Variants in XAF1 observed in about 807,000 individuals in gnomAD.
XAF1 encodes the protein XIAP associated factor 1.
Under a neutral mutation model 32.3 loss-of-function variants are expected in XAF1, and 32 were observed. The ratio of observed to expected loss-of-function variants is 0.99; its 90% CI spans 0.75 to 1.33. The LOEUF is 1.33. Among genes scored for constraint, XAF1 ranks in the 40% most tolerant of loss-of-function variants. The pLI is 0.00. For synonymous variants in XAF1, 120 were observed against 125.9 expected (o/e 0.95, Z 0.31); for missense variants, 379 against 366.0 (o/e 1.04, Z -0.29).
chr17:6,773,219 C>G lies in XAF1; in HGVS notation c.*50C>G, dbSNP rs375175465. ...AATTCAAAAGATTTCACTTTTAACACTGGCATTCCTGCCTACTTGCTGTGG... is the reference window on the plus strand; with the variant it reads ...AATTCAAAAGATTTCACTTTTAACAGTGGCATTCCTGCCTACTTGCTGTGG... On this transcript the variant is annotated 3_prime_UTR_variant, in exon 7 of 7. Transcript: ENST00000361842. The G allele has an allele frequency of 6.7e-7, 1 of 1,501,892 alleles. No individual in the cohort carries two copies. The highest frequency in any genetic ancestry group is 1.4e-5 in the African/African-American group (1 of 71,032). The allele number at this position is 1,501,892 out of a possible 1,614,324, so 93.0% of individuals were successfully genotyped here.
chr17:6,772,510 A>G (rs1976121364), intron 6 of XAF1, among the ~76,000 whole-genome samples: 1 of 119,486 alleles, frequency 8.4e-6, no homozygotes, highest in African/African-American at 3.4e-5. Flanking sequence ...TCGCTCTGTC[A>G]CCCAGGCTGG....
intron 6 of XAF1, chr17:6,771,281 T>C: frequency 3.4e-6 from 1 of 296,646 alleles, no homozygotes; most frequent in Non-Finnish European, 6.3e-6. Flanking sequence ...GAGCAACTGC[T>C]TCAAAACTGT....
At chr17:6,756,272 C>A in intron 1 of XAF1, 162 bp downstream of exon 1, 3 of 1,236,332 alleles carry the variant, frequency 2.4e-6, no homozygotes, top group Non-Finnish European at 3.2e-6. Flanking sequence ...AGGGTTTAAA[C>A]TTGGTAATCT....
intron 5 of XAF1, among the ~76,000 whole-genome samples, chr17:6,768,937 CTT>C (rs1399952964): frequency 6.6e-6 from 1 of 152,164 alleles, no homozygotes. Flanking sequence ...TCTATTATCT[CTT>C]TGAATTCCCA....
intron 6 of XAF1, chr17:6,771,872 G>C (rs1235802907): frequency 6.6e-6 from 1 of 152,176 alleles, no homozygotes; most frequent in Non-Finnish European, 1.5e-5. Flanking sequence ...ACTTTGGACA[G>C]TCTTATGGGC....
chr17:6,766,137 G>A (rs527914702), intron 5 of XAF1, among the ~76,000 whole-genome samples: 1 of 152,224 alleles, frequency 6.6e-6, no homozygotes, highest in Admixed American at 6.5e-5. Context: ...TCTTTGCCCA[G>A]ATGGCACCTT....
upstream of XAF1, chr17:6,755,498 A>C: frequency 2.0e-6 from 2 of 987,660 alleles, no homozygotes; most frequent in Non-Finnish European, 2.4e-6. Context: ...GGGTCTGGAA[A>C]AACTCTAAGG....
intron 6 of XAF1, chr17:6,771,274 C>T: frequency 3.2e-6 from 1 of 314,750 alleles, no homozygotes. Flanking sequence ...TGATTTGGAG[C>T]AACTGCTTCA....
At chr17:6,760,376 T>C (rs765948930) in intron 3 of XAF1, 30 bp from the exon 4 acceptor site, 3 of 1,461,560 alleles carry the variant, frequency 2.1e-6, no homozygotes, top group African/African-American at 3.0e-5. Flanking sequence ...AAAGGGCCAG[T>C]GATCATGCCC....
At chr17:6,766,298 G>C in intron 5 of XAF1, among the ~76,000 whole-genome samples, 1 of 152,110 alleles carries the variant, frequency 6.6e-6, no homozygotes, top group East Asian at 1.9e-4. Flanking sequence ...TATGGCCCTT[G>C]TTAATTGTCT....
At chr17:6,760,021 A>C (rs947845489) in intron 3 of XAF1, 16 of 538,600 alleles carry the variant, frequency 3.0e-5, no homozygotes, top group African/African-American at 2.9e-4. Flanking sequence ...CCCTAGGGAG[A>C]TGGGCACAAG....
At chr17:6,770,280 A>G (rs1975920207) in intron 5 of XAF1, among the ~76,000 whole-genome samples, 1 of 152,232 alleles carries the variant, frequency 6.6e-6, no homozygotes, top group South Asian at 2.1e-4. Context: ...AAAGAGTAGA[A>G]GGCTGTAGCC....
At position 6,756,109 on chromosome 17, in the gene XAF1, T is replaced by C. The variant is rs1031004046; in HGVS notation, c.31T>C (p.Cys11Arg). 5.0e-6 allele frequency: 8 copies of C among 1,613,828 alleles called. No individual in the cohort carries two copies. Among genetic ancestry groups the C allele is most frequent in the African/African-American group, 1.3e-5 (1 of 74,850 alleles). The change falls in exon 1 of 7, where the codon TGT (cysteine) becomes CGT (arginine). Residue 11 changes from cysteine (C) to arginine (R), a missense_variant and splice_region_variant. Transcript: ENST00000361842. ...AGGAGACTTCTCGGTGTGCAGGAAC[T>C]GGTAAGAAAGTGCTTTCTCCAGCGG... MEGDFSVCRNCKRHVVSANFT... is the reference protein window; with the variant it reads MEGDFSVCRNRKRHVVSANFT...
At chr17:6,761,987 G>A in intron 4 of XAF1, 168 bp from the exon 5 acceptor site, 1 of 1,534,960 alleles carries the variant, frequency 6.5e-7, no homozygotes, top group Admixed American at 2.0e-5. Flanking sequence ...ATTCGGCCAA[G>A]AGTTGCCTGT....
chr17:6,762,850 A>G (rs1975324762), intron 5 of XAF1, among the ~76,000 whole-genome samples: 1 of 151,890 alleles, frequency 6.6e-6, no homozygotes, highest in Non-Finnish European at 1.5e-5. Context: ...TCTCCAAAGA[A>G]CTCTTCTCCT....
chr17:6,774,026 T>G lies in XAF1; in HGVS notation c.*857T>G, dbSNP rs1308497844. ...CCTATCAAACTACCAATAACATTCT[T>G]CACAGAATCAGAAAAAAAAAGCATT... is the stretch of plus-strand genomic sequence containing the variant. On this transcript the variant is annotated 3_prime_UTR_variant, in exon 7 of 7. Coordinates refer to ENST00000361842, the MANE Select transcript of XAF1 (RefSeq NM_017523.5). 1 of 151,854 alleles carries G rather than the reference T, an allele frequency of 6.6e-6. No individual in the cohort carries two copies. The highest frequency in any genetic ancestry group is 1.5e-5 in the Non-Finnish European group (1 of 67,990). 9.4% of individuals were successfully genotyped at this position (151,854 alleles called of 1,614,324 possible).
intron 6 of XAF1, 96 bp downstream of exon 6, chr17:6,771,080 G>T (rs1348223343): frequency 7.2e-7 from 1 of 1,384,530 alleles, no homozygotes; most frequent in Non-Finnish European, 9.9e-7. Context: ...AAATGTTGTG[G>T]CTGAAAAGGC....
At chr17:6,766,901 G>A (rs760141309) in intron 5 of XAF1, among the ~76,000 whole-genome samples, 1 of 152,090 alleles carries the variant, frequency 6.6e-6, no homozygotes, top group Non-Finnish European at 1.5e-5. Flanking sequence ...CTCTCTCCAC[G>A]GTTGGAGTTC....
chr17:6,760,628 G>C, intron 4 of XAF1, 27 bp downstream of exon 4: 1 of 1,591,836 alleles, frequency 6.3e-7, no homozygotes, highest in Non-Finnish European at 8.6e-7. Flanking sequence ...GGGTGGAAGA[G>C]AGACGTTCCA....
Sources: allele counts gnomAD v4.1 joint callset (sites outside exome capture counted in the v4.1 genomes callset), GRCh38; gene constraint gnomAD v4.1.1; transcripts MANE v1.5; gene names NCBI Gene and HGNC (gene_info 2026-07-23, HGNC 2026-07-21).